The following PVT1 variants were observed in gnomAD, a reference collection of about 807,000 sequenced individuals.
PVT1 encodes the protein CXCR4/PVT1 fusion.
chr8:128,068,986 G>A (rs1420525613), intron 4 of PVT1, among the ~76,000 whole-genome samples: 1 of 152,232 alleles, frequency 6.6e-6, no homozygotes, highest in Non-Finnish European at 1.5e-5. Context: ...ACAAAAGGGG[G>A]TTCTTGCAGC....
At chr8:127,836,532 A>G (rs1401981086) in intron 2 of PVT1, among the ~76,000 whole-genome samples, 1 of 152,158 alleles carries the variant, frequency 6.6e-6, no homozygotes, top group Non-Finnish European at 1.5e-5. Context: ...GACTGCAGTG[A>G]AGCCCCTCCA....
At chr8:127,902,883 G>T (rs1429481224) in intron 3 of PVT1, among the ~76,000 whole-genome samples, 2 of 152,120 alleles carry the variant, frequency 1.3e-5, no homozygotes, top group Non-Finnish European at 2.9e-5. Context: ...TGTGAATAGT[G>T]CTGCCATGAA....
chr8:127,834,736 A>G (rs1273158873), intron 2 of PVT1, among the ~76,000 whole-genome samples: 2 of 152,106 alleles, frequency 1.3e-5, no homozygotes, highest in Non-Finnish European at 2.9e-5. Flanking sequence ...AAACAAACAA[A>G]CAAACAAACA....
At chr8:127,796,173 G>T (rs1814393487) in intron 2 of PVT1, 1 of 163,978 alleles carries the variant, frequency 6.1e-6, no homozygotes, top group Non-Finnish European at 1.5e-5. Context: ...TATTCTTGTT[G>T]CCTCATCTAT....
rs35127174 is a variant in PVT1, at chr8:128,074,519, TAAA to T, written n.1114+4173_1114+4175del. ...GCCTGAGTGACAGAGTGAGACTGTC[TAAA>T]AAAAAAAAAAAAAAGGGGGGGGCTC... On this transcript the variant is annotated intron_variant and non_coding_transcript_variant, in intron 5 of 10. Transcript: ENST00000651587. Among the ~76,000 whole-genome samples, 298 of 122,810 alleles carry T rather than the reference TAAA, an allele frequency of 2.4e-3. 6 individuals carry two copies. Among genetic ancestry groups the T allele is most frequent in the South Asian group, 8.3e-3 (31 of 3,740 alleles). The allele number at this position is 122,810 out of a possible 152,430, so 80.6% of individuals were successfully genotyped here. A position where few individuals can be genotyped will look rare whatever the true frequency, so the allele number is the denominator to read the frequency against.
intron 5 of PVT1, among the ~76,000 whole-genome samples, chr8:128,095,147 C>G (rs547104175): frequency 6.6e-6 from 1 of 152,248 alleles, no homozygotes; most frequent in East Asian, 1.9e-4. Flanking sequence ...AATTGAGGGT[C>G]CTGATTCTGC....
intron 3 of PVT1, among the ~76,000 whole-genome samples, chr8:127,929,854 G>T (rs1487512099): frequency 6.6e-6 from 1 of 152,192 alleles, no homozygotes; most frequent in Non-Finnish European, 1.5e-5. Flanking sequence ...AGAGATGTGA[G>T]AATTAAATGC....
At chr8:128,046,436 C>T (rs1813613646) in intron 4 of PVT1, among the ~76,000 whole-genome samples, 1 of 152,214 alleles carries the variant, frequency 6.6e-6, no homozygotes, top group African/African-American at 2.4e-5. Flanking sequence ...GCTCCGTAGG[C>T]CTCTGTTTAA....
At chr8:128,038,585 G>A (rs556874340) in intron 4 of PVT1, among the ~76,000 whole-genome samples, 8 of 152,284 alleles carry the variant, frequency 5.3e-5, no homozygotes, top group African/African-American at 1.9e-4. Context: ...CCATATCCCA[G>A]CCCTGCCCTG....
intron 2 of PVT1, among the ~76,000 whole-genome samples, chr8:127,815,342 T>G (rs915193627): frequency 2.0e-5 from 3 of 152,200 alleles, no homozygotes; most frequent in African/African-American, 7.2e-5. Flanking sequence ...ACTGAATGAG[T>G]TTTTAAATTC....
chr8:127,980,947 C>T (rs546995634), intron 3 of PVT1, among the ~76,000 whole-genome samples: 5 of 152,130 alleles, frequency 3.3e-5, no homozygotes, highest in Admixed American at 6.5e-5. Context: ...CGGGCATCCA[C>T]CACAACACCC....
At position 128,093,046 on chromosome 8, in the gene PVT1, T is replaced by G. The variant is rs181147777; in HGVS notation, n.1115-3472T>G. Among the ~76,000 whole-genome samples the G allele has an allele frequency of 3.0e-3, 460 of 152,336 alleles. 1 individual carries two copies. Among genetic ancestry groups the G allele is most frequent in the South Asian group, 0.01 (50 of 4,828 alleles). The stretch of plus-strand genomic sequence containing the variant: ...ACTGCCGCATCTGGAATAATATATA[T>G]ATGCAACTTTAAGATCTGTCTTTCT... On this transcript the variant is annotated intron_variant and non_coding_transcript_variant, in intron 5 of 10. Coordinates refer to ENST00000651587, the Ensembl canonical transcript of PVT1.
intron 2 of PVT1, among the ~76,000 whole-genome samples, chr8:127,802,500 G>C (rs1563609185): frequency 6.6e-6 from 1 of 152,240 alleles, no homozygotes; most frequent in African/African-American, 2.4e-5. Context: ...ACAGGCGTGA[G>C]CCACTGCACC....
intron 4 of PVT1, among the ~76,000 whole-genome samples, chr8:128,006,095 C>T (rs1311053720): frequency 7.2e-6 from 1 of 139,234 alleles, no homozygotes; most frequent in East Asian, 2.1e-4. Context: ...AGAGTGAGAC[C>T]TTGTCTCAAA....
chr8:127,866,760 T>G (rs1345455330), intron 2 of PVT1, among the ~76,000 whole-genome samples: 1 of 152,150 alleles, frequency 6.6e-6, no homozygotes. Flanking sequence ...TGTTATGTAT[T>G]GTCTGTGCAT....
chr8:127,844,176 G>A (rs556768169), intron 2 of PVT1, among the ~76,000 whole-genome samples: 220 of 151,794 alleles, frequency 1.4e-3, no homozygotes, highest in African/African-American at 5.1e-3. Context: ...AGTAGAGTTG[G>A]GGTTTCACCG....
chr8:128,057,832 C>T (rs1333613944), intron 4 of PVT1, among the ~76,000 whole-genome samples: 13 of 152,340 alleles, frequency 8.5e-5, no homozygotes, highest in Non-Finnish European at 1.8e-4. Flanking sequence ...ATCCTGACAG[C>T]TGCGAGAGGT....
intron 5 of PVT1, among the ~76,000 whole-genome samples, chr8:128,090,906 G>A (rs1484233941): frequency 1.3e-5 from 2 of 152,088 alleles, no homozygotes; most frequent in African/African-American, 4.8e-5. Context: ...GGAGGTCGTG[G>A]GTGCAGCTTG....
intron 2 of PVT1, among the ~76,000 whole-genome samples, chr8:127,826,119 C>A (rs1384671599): frequency 2.6e-5 from 4 of 151,258 alleles, no homozygotes; most frequent in Admixed American, 6.6e-5. Context: ...CTCTGCCTCC[C>A]AAAGTGCTGG....
Sources: gnomAD v4.1 joint callset for allele counts (sites outside exome capture counted in the v4.1 genomes callset) on GRCh38, gnomAD v4.1.1 for gene constraint, MANE v1.5 for transcripts, NCBI Gene and HGNC (gene_info 2026-07-23, HGNC 2026-07-21) for gene names.